Variants in SORBS2 observed in about 807,000 individuals in gnomAD.
SORBS2 encodes the protein sorbin and SH3 domain containing 2, also known as sorbin and SH3 domain-containing protein 2.
SORBS2 carries 46 observed loss-of-function variants against 97.7 expected under a neutral mutation model. The ratio of observed to expected loss-of-function variants is 0.47; its 90% CI spans 0.37 to 0.60. The LOEUF is 0.60. Among genes scored for constraint, SORBS2 ranks in the 20% least tolerant of loss-of-function variants. The probability of loss-of-function intolerance (pLI) is 0.00; values close to 1 mark genes in which losing one functional copy is unlikely to be tolerated. For synonymous variants in SORBS2, 476 were observed against 473.4 expected (o/e 1.01, Z -0.07); for missense variants, 1,316 against 1,282.3 (o/e 1.03, Z -0.40).
chr4:185,630,516 G>A (rs941422791), intron 5 of SORBS2, 33 bp downstream of exon 17: 1 of 1,401,952 alleles, frequency 7.1e-7, no homozygotes. Context: ...CACTGGTATA[G>A]AATATTCTGC....
chr4:185,798,883 C>A (rs2099118040), intron 1 of SORBS2, among the ~76,000 whole-genome samples: 1 of 152,154 alleles, frequency 6.6e-6, no homozygotes, highest in Non-Finnish European at 1.5e-5. Flanking sequence ...TTCTCCATTC[C>A]CATTTTGGTT....
intron 4 of SORBS2, chr4:185,677,721 G>T (rs1004503539): frequency 3.4e-6 from 4 of 1,160,824 alleles, no homozygotes; most frequent in African/African-American, 1.6e-5. Context: ...AAAGAAACCA[G>T]TGTCAACCTT....
At position 185,623,812 on chromosome 4, in the gene SORBS2, G is replaced by C. The variant is rs145496396; in HGVS notation, c.1317C>G (p.Thr439=). Residue 439 remains threonine (T), a synonymous_variant, in exon 7 of 15, where the codon ACC becomes ACG. Coordinates refer to ENST00000418609, the Ensembl canonical transcript of SORBS2. This position sits in a 1 kb window ranked among gnomAD's most constrained non-coding sequence, Gnocchi z 6.4. Reference sequence around the variant, plus strand: ...ATAGGCCATTTTGCGGTGGTTCTAGGGTTACGGGAGACAGCATGTCATCCC... The same window carrying C: ...ATAGGCCATTTTGCGGTGGTTCTAGCGTTACGGGAGACAGCATGTCATCCC... The C allele has an allele frequency of 6.2e-7, 1 of 1,614,134 alleles. No homozygotes were observed. The highest frequency in any genetic ancestry group is 8.5e-7 in the Non-Finnish European group (1 of 1,180,020).
At chr4:185,885,452 A>T (rs1447695814) in intron 1 of SORBS2, among the ~76,000 whole-genome samples, 1 of 152,234 alleles carries the variant, frequency 6.6e-6, no homozygotes, top group Non-Finnish European at 1.5e-5. Context: ...TACAGCTCAG[A>T]GGCCAAATGT....
intron 1 of SORBS2, among the ~76,000 whole-genome samples, chr4:185,656,167 A>G (rs2097397465): frequency 6.6e-6 from 1 of 152,242 alleles, no homozygotes; most frequent in South Asian, 2.1e-4. Context: ...TGGCACATAA[A>G]TATGGCAATC....
At chr4:185,690,195 AG>A (rs1224478063) in intron 2 of SORBS2, among the ~76,000 whole-genome samples, 1 of 152,236 alleles carries the variant, frequency 6.6e-6, no homozygotes, top group African/African-American at 2.4e-5. Context: ...TTTATAGAAC[AG>A]GTAAGTTTGA....
At chr4:185,847,611 AT>A (rs1165238738) in intron 1 of SORBS2, among the ~76,000 whole-genome samples, 3 of 152,148 alleles carry the variant, frequency 2.0e-5, no homozygotes, top group Admixed American at 1.3e-4. Flanking sequence ...CATGTGTGAA[AT>A]TCCACTCCAC....
At chr4:185,615,193 A>T in intron 9 of SORBS2, 34 bp from the exon 22 acceptor site, 1 of 1,223,666 alleles carries the variant, frequency 8.2e-7, no homozygotes, top group South Asian at 1.2e-5. Context: ...TCTTTTTGTG[A>T]TGTACAGCAA....
At chr4:185,664,726 C>G (rs2097572239) in intron 4 of SORBS2, among the ~76,000 whole-genome samples, 1 of 152,200 alleles carries the variant, frequency 6.6e-6, no homozygotes, top group Non-Finnish European at 1.5e-5. Context: ...ATTGTAGTGT[C>G]TTAAAAAACA....
At chr4:185,715,008 T>C (rs2098454176) in intron 2 of SORBS2, among the ~76,000 whole-genome samples, 1 of 152,214 alleles carries the variant, frequency 6.6e-6, no homozygotes, top group Non-Finnish European at 1.5e-5. Flanking sequence ...AGTTAAAGGC[T>C]TGTAAATCAT....
intron 1 of SORBS2, among the ~76,000 whole-genome samples, chr4:185,926,332 A>T (rs2099263676): frequency 6.6e-6 from 1 of 152,158 alleles, no homozygotes. Flanking sequence ...AGGAAAGTGG[A>T]TGAGTTTAGG....
intron 13 of SORBS2, chr4:185,593,097 A>G (rs1006981670): frequency 2.0e-5 from 3 of 152,430 alleles, no homozygotes; most frequent in African/African-American, 7.2e-5. Context: ...GAGTGTGGGC[A>G]GTGGGTCAGG....
intron 1 of SORBS2, among the ~76,000 whole-genome samples, chr4:185,878,056 A>G (rs1319831891): frequency 6.6e-6 from 1 of 152,172 alleles, no homozygotes; most frequent in Admixed American, 6.5e-5. Flanking sequence ...TGAGGATTTT[A>G]GTACATATGA....
At chr4:185,704,910 T>C (rs2098321391) in intron 2 of SORBS2, among the ~76,000 whole-genome samples, 1 of 152,240 alleles carries the variant, frequency 6.6e-6, no homozygotes, top group Non-Finnish European at 1.5e-5. Context: ...GACCAGCTCA[T>C]GCGGTGCAGG....
intron 2 of SORBS2, among the ~76,000 whole-genome samples, chr4:185,650,980 C>T (rs975171063): frequency 4.6e-5 from 7 of 152,030 alleles, no homozygotes; most frequent in South Asian, 2.1e-4. Flanking sequence ...GAGGATCATG[C>T]GACCCCAGGC....
intron 2 of SORBS2, among the ~76,000 whole-genome samples, chr4:185,696,002 GA>G (rs1449959171): frequency 6.6e-6 from 1 of 152,158 alleles, no homozygotes; most frequent in African/African-American, 2.4e-5. Flanking sequence ...AACAGTGCCT[GA>G]AAATGTTCCT....
At chr4:185,677,441 T>C in intron 4 of SORBS2, 1 of 1,552,234 alleles carries the variant, frequency 6.4e-7, no homozygotes. Context: ...TTGTGTTAGA[T>C]TCTTCAGAAT....
chr4:185,707,107 TATTA>T (rs1252031660), intron 2 of SORBS2, among the ~76,000 whole-genome samples: 1 of 152,246 alleles, frequency 6.6e-6, no homozygotes, highest in Non-Finnish European at 1.5e-5. Context: ...ATTACATGTA[TATTA>T]ATTACATATG....
chr4:185,611,995 A>AG lies in SORBS2; in HGVS notation c.2596-16dup, dbSNP rs2096545742. 1 of 1,424,600 alleles carries AG rather than the reference A, an allele frequency of 7.0e-7. No homozygotes were observed. The highest frequency in any genetic ancestry group is 9.9e-7 in the Non-Finnish European group (1 of 1,010,264). 88.2% of individuals were successfully genotyped at this position (1,424,600 alleles called of 1,614,324 possible). On this transcript the variant is annotated splice_polypyrimidine_tract_variant and intron_variant, in intron 11 of 14. Transcript: ENST00000418609. ...ACTCTATCTCCCTGTTATGAATATG[A>AG]GAAAAATGCATTAGAAACAGAGATA...
Sources: gnomAD v4.1 joint callset for allele counts (sites outside exome capture counted in the v4.1 genomes callset) on GRCh38, gnomAD v4.1.1 for gene constraint, Gnocchi (gnomAD v3.1) non-coding constraint, MANE v1.5 for transcripts, NCBI Gene and HGNC (gene_info 2026-07-23, HGNC 2026-07-21) for gene names.